HS6ST3: variants seen among roughly 807,000 people sequenced by gnomAD.
HS6ST3 encodes the protein heparan sulfate 6-O-sulfotransferase 3.
In HS6ST3, 12 loss-of-function variants were observed where a neutral mutation model predicts 36.7. That is an observed-to-expected ratio of 0.33 (90% CI 0.21 to 0.53). HS6ST3 has a LOEUF of 0.53. HS6ST3 is among the 20% of genes least tolerant of loss of function. The pLI is 0.95. For synonymous variants in HS6ST3, 240 were observed against 257.5 expected (o/e 0.93, Z 0.65); for missense variants, 584 against 640.9 (o/e 0.91, Z 0.96).
At chr13:96,820,994 T>C (rs573867436) in intron 1 of HS6ST3, among the ~76,000 whole-genome samples, 4 of 152,376 alleles carry the variant, frequency 2.6e-5, no homozygotes, top group African/African-American at 9.6e-5. Flanking sequence ...TTTATTGTTC[T>C]GACATTACTA....
At chr13:96,755,145 G>A (rs778775275) in intron 1 of HS6ST3, among the ~76,000 whole-genome samples, 51 of 151,028 alleles carry the variant, frequency 3.4e-4, no homozygotes, top group Non-Finnish European at 6.6e-4. Context: ...GTTTTTTTTT[G>A]TACTCATTTC....
At chr13:96,400,139 T>G (rs572597235) in intron 1 of HS6ST3, among the ~76,000 whole-genome samples, 1 of 148,042 alleles carries the variant, frequency 6.8e-6, no homozygotes, top group East Asian at 2.0e-4. Context: ...CTCCCTTCAA[T>G]TCAGTAGTGC....
At chr13:96,827,708 A>G (rs1878679542) in intron 1 of HS6ST3, among the ~76,000 whole-genome samples, 1 of 152,226 alleles carries the variant, frequency 6.6e-6, no homozygotes, top group Non-Finnish European at 1.5e-5. Flanking sequence ...TCATGTAAAT[A>G]TCATCCTACA....
chr13:96,762,530 CTG>C (rs1427237464), intron 1 of HS6ST3, among the ~76,000 whole-genome samples: 1 of 152,112 alleles, frequency 6.6e-6, no homozygotes, highest in Non-Finnish European at 1.5e-5. Flanking sequence ...GGGACACAAA[CTG>C]TAAACATTTC....
chr13:96,556,834 A>G (rs1319438894), intron 1 of HS6ST3, among the ~76,000 whole-genome samples: 2 of 152,204 alleles, frequency 1.3e-5, no homozygotes, highest in Non-Finnish European at 2.9e-5. Context: ...GTCATTACTC[A>G]TAAGAATGAC....
intron 1 of HS6ST3, among the ~76,000 whole-genome samples, chr13:96,563,041 C>CAAAAAAA (rs34175542): frequency 5.0e-5 from 4 of 79,408 alleles, no homozygotes; most frequent in African/African-American, 4.0e-5. Context: ...GCAGAAATAG[C>CAAAAAAA]AAAAAAAAAA....
At chr13:96,573,911 T>G in intron 1 of HS6ST3, 1 of 510,514 alleles carries the variant, frequency 2.0e-6, no homozygotes, top group East Asian at 5.3e-5. Context: ...GAATGGCAGC[T>G]CCACAAAGAA....
chr13:96,453,553 AC>A (rs1441994955), intron 1 of HS6ST3, among the ~76,000 whole-genome samples: 1 of 152,326 alleles, frequency 6.6e-6, no homozygotes, highest in East Asian at 1.9e-4. Flanking sequence ...AGTGAAAATA[AC>A]CAGGCCGTGC....
chr13:96,731,527 C>CT (rs1876154066), intron 1 of HS6ST3, among the ~76,000 whole-genome samples: 1 of 152,004 alleles, frequency 6.6e-6, no homozygotes, highest in African/African-American at 2.4e-5. Flanking sequence ...TATCTTGGCT[C>CT]TTGTGAATAG....
Position 96,330,250 on chromosome 13 carries a change from G to A in HS6ST3, c.707+238681G>A, listed in dbSNP as rs369522078. Among the ~76,000 whole-genome samples, 79 of 151,484 alleles carry A rather than the reference G, an allele frequency of 5.2e-4. 1 individual carries two copies. The East Asian group carries it at 0.011, about 20-fold the overall frequency. The stretch of plus-strand genomic sequence containing the variant: ...ATGATGTTAGCTGGTGATTTTGCTC[G>A]TTAGTTGATGCAGTTTCTTCCTAGT... On this transcript the variant is annotated intron_variant, in intron 1 of 1. Transcript: ENST00000376705.
At chr13:96,181,560 T>C (rs1021357054) in intron 1 of HS6ST3, among the ~76,000 whole-genome samples, 2 of 152,178 alleles carry the variant, frequency 1.3e-5, no homozygotes, top group African/African-American at 2.4e-5. Flanking sequence ...CCTGGCCTGG[T>C]GGAGTTGCAG....
intron 1 of HS6ST3, among the ~76,000 whole-genome samples, chr13:96,325,289 G>T (rs150955913): frequency 6.6e-6 from 1 of 152,206 alleles, no homozygotes; most frequent in African/African-American, 2.4e-5. Flanking sequence ...CTAAGGTAAG[G>T]AAATAGTTTT....
intron 1 of HS6ST3, among the ~76,000 whole-genome samples, chr13:96,284,021 G>A (rs7331395): frequency 0.55 from 84,160 of 151,944 alleles, 24,111 homozygotes; most frequent in African/African-American, 0.7. Flanking sequence ...GTACATTTTT[G>A]TTCCATTTGT....
At chr13:96,483,263 T>TC (rs1566373776) in intron 1 of HS6ST3, among the ~76,000 whole-genome samples, 1 of 152,244 alleles carries the variant, frequency 6.6e-6, no homozygotes, top group South Asian at 2.1e-4. Flanking sequence ...GAGCAGGGGT[T>TC]CCCCAGATAA....
chr13:96,679,117 C>T (rs2056709465), intron 1 of HS6ST3, among the ~76,000 whole-genome samples: 1 of 148,678 alleles, frequency 6.7e-6, no homozygotes, highest in Non-Finnish European at 1.5e-5. Context: ...ACACCCTCCC[C>T]TATCTAGTTT....
intron 1 of HS6ST3, among the ~76,000 whole-genome samples, chr13:96,345,345 G>C (rs1409728295): frequency 6.6e-6 from 1 of 151,970 alleles, no homozygotes; most frequent in Admixed American, 6.6e-5. Context: ...AGGCTAGACA[G>C]CTTTTTTCTA....
chr13:96,314,367 T>C (rs1260243614), intron 1 of HS6ST3, among the ~76,000 whole-genome samples: 1 of 152,212 alleles, frequency 6.6e-6, no homozygotes, highest in East Asian at 1.9e-4. Flanking sequence ...TACTAAGATA[T>C]TGGGAAATTT....
At position 96,159,341 on chromosome 13, in the gene HS6ST3, C is replaced by CT. The variant is rs372778998; in HGVS notation, c.707+67779dup. ...AAAATAGCATTCATTTTATTTTATT[C>CT]TTTTTTTCCTTGGAGTTAGTCTTGT... On this transcript the variant is annotated intron_variant, in intron 1 of 1. Coordinates refer to ENST00000376705, the MANE Select transcript of HS6ST3 (RefSeq NM_153456.4). Among the ~76,000 whole-genome samples, 437 of 152,228 alleles carry CT rather than the reference C, an allele frequency of 2.9e-3. 3 individuals are homozygous for CT. Among genetic ancestry groups the CT allele is most frequent in the African/African-American group, 0.01 (416 of 41,544 alleles).
intron 1 of HS6ST3, among the ~76,000 whole-genome samples, chr13:96,341,081 A>G (rs2055127794): frequency 6.6e-6 from 1 of 152,212 alleles, no homozygotes; most frequent in Non-Finnish European, 1.5e-5. Context: ...TATTTTATTT[A>G]GATCTGTCAC....
Sources: allele counts gnomAD v4.1 joint callset (sites outside exome capture counted in the v4.1 genomes callset), GRCh38; gene constraint gnomAD v4.1.1; transcripts MANE v1.5; gene names NCBI Gene and HGNC (gene_info 2026-07-23, HGNC 2026-07-21).